The following IMMP2L variants were observed in gnomAD, a reference collection of about 807,000 sequenced individuals.
IMMP2L encodes the protein mitochondrial inner membrane protease subunit 2.
A neutral mutation model predicts 19.3 loss-of-function variants in IMMP2L; 18 were observed. That is an observed-to-expected ratio of 0.93 (90% CI 0.64 to 1.38). The LOEUF is 1.38. Among genes scored for constraint, IMMP2L ranks in the 40% most tolerant of loss-of-function variants. The probability of loss-of-function intolerance (pLI) is 0.00; values close to 1 mark genes in which losing one functional copy is unlikely to be tolerated. For synonymous variants in IMMP2L, 76 were observed against 73.0 expected, an observed-to-expected ratio of 1.04 and a Z score of -0.21; for missense variants, 233 against 218.2, an observed-to-expected ratio of 1.07 and a Z score of -0.43.
chr7:111,296,340 A>G lies in IMMP2L; in HGVS notation c.239+190898T>C, dbSNP rs187129862. The stretch of plus-strand genomic sequence containing the variant: ...AATACCAATACATGAAATTAAAACG[A>G]CTAAAGTTAAAAACTGATAATACTA... On this transcript the variant is annotated intron_variant, in intron 3 of 5. Transcript: ENST00000405709. 1.4e-3 allele frequency among the ~76,000 whole-genome samples: 215 copies of G among 152,072 alleles called. 1 individual carries two copies. The highest frequency in any genetic ancestry group is 1.9e-3 in the Non-Finnish European group (131 of 67,856).
intron 3 of IMMP2L, among the ~76,000 whole-genome samples, chr7:111,348,195 A>C (rs1233741369): frequency 6.6e-6 from 1 of 151,242 alleles, no homozygotes; most frequent in Non-Finnish European, 1.5e-5. Context: ...GTAAATGATG[A>C]GTTGATGGGT....
At chr7:110,702,855 AC>A (rs1794379780) in intron 5 of IMMP2L, among the ~76,000 whole-genome samples, 1 of 152,034 alleles carries the variant, frequency 6.6e-6, no homozygotes, top group Non-Finnish European at 1.5e-5. Flanking sequence ...TGTTTTTAAA[AC>A]TTTTACTTTT....
chr7:111,368,390 G>T (rs951594711), intron 3 of IMMP2L, among the ~76,000 whole-genome samples: 1 of 151,944 alleles, frequency 6.6e-6, no homozygotes, highest in Non-Finnish European at 1.5e-5. Context: ...ATAGGGAAGT[G>T]AACATATAAC....
intron 3 of IMMP2L, among the ~76,000 whole-genome samples, chr7:111,348,696 C>G (rs141804510): frequency 6.6e-6 from 1 of 152,200 alleles, no homozygotes; most frequent in East Asian, 1.9e-4. Flanking sequence ...ATTTATAGAA[C>G]TAGACTTGTG....
chr7:111,486,858 A>T (rs2396358), intron 3 of IMMP2L, among the ~76,000 whole-genome samples: 56,784 of 151,930 alleles, frequency 0.37, 12,336 homozygotes, highest in Non-Finnish European at 0.49. Flanking sequence ...TGTCATAATT[A>T]TCACCTTCTA....
chr7:111,026,328 CTCTA>C (rs1323045016), intron 3 of IMMP2L, among the ~76,000 whole-genome samples: 3 of 152,064 alleles, frequency 2.0e-5, no homozygotes, highest in Non-Finnish European at 2.9e-5. Context: ...AACCTGGCAG[CTCTA>C]TCTAAGATGG....
intron 3 of IMMP2L, among the ~76,000 whole-genome samples, chr7:111,150,475 C>T (rs1803951070): frequency 6.6e-6 from 1 of 152,122 alleles, no homozygotes; most frequent in African/African-American, 2.4e-5. Flanking sequence ...TACAAACTTG[C>T]ACCAAACCTC....
chr7:111,295,924 G>A (rs911953031), intron 3 of IMMP2L, among the ~76,000 whole-genome samples: 1 of 148,034 alleles, frequency 6.8e-6, no homozygotes, highest in African/African-American at 2.5e-5. Flanking sequence ...AAAACTTTCG[G>A]AACACATAGA....
intron 2 of IMMP2L, among the ~76,000 whole-genome samples, chr7:111,490,285 CTT>C (rs768277536): frequency 1.8e-4 from 25 of 138,714 alleles, no homozygotes; most frequent in Admixed American, 1.5e-4. Flanking sequence ...TTTTTTTTTC[CTT>C]TTTTTTTTTT....
chr7:110,878,619 A>G (rs764881232), intron 5 of IMMP2L, among the ~76,000 whole-genome samples: 3 of 152,072 alleles, frequency 2.0e-5, no homozygotes, highest in African/African-American at 7.2e-5. Context: ...CATATCATTC[A>G]CTGTTGTCAA....
chr7:111,423,650 T>C (rs1835799108), intron 3 of IMMP2L, among the ~76,000 whole-genome samples: 1 of 151,802 alleles, frequency 6.6e-6, no homozygotes, highest in African/African-American at 2.4e-5. Flanking sequence ...TTGGGACACA[T>C]TTAAAGCAGT....
At chr7:110,962,594 G>T in intron 4 of IMMP2L, 1 of 338,612 alleles carries the variant, frequency 3.0e-6, no homozygotes, top group Non-Finnish European at 4.2e-6. Flanking sequence ...GTGAAAAACG[G>T]CAAGTAACAC....
intron 3 of IMMP2L, among the ~76,000 whole-genome samples, chr7:111,235,655 T>C (rs1814217953): frequency 6.6e-6 from 1 of 152,052 alleles, no homozygotes; most frequent in Non-Finnish European, 1.5e-5. Context: ...CTGGTATTAG[T>C]TTGATTATAA....
Position 111,123,873 on chromosome 7 carries a change from T to C in IMMP2L, c.240-160308A>G. ...ACCTCAAGGAAATCAGCATACACAGTAACCCCATCAGGTGTGACTGTGTCA... is the reference window on the plus strand; with the variant it reads ...ACCTCAAGGAAATCAGCATACACAGCAACCCCATCAGGTGTGACTGTGTCA... On this transcript the variant is annotated intron_variant, in intron 3 of 5. Transcript: ENST00000405709. The surrounding 1 kb of genome is among the most constrained non-coding windows in gnomAD (Gnocchi z 6.4). 3.1e-6 allele frequency: 5 copies of C among 1,613,962 alleles called. No homozygotes were observed. In the South Asian group the frequency reaches 4.4e-5, roughly 14 times the overall value.
chr7:111,337,482 ATGGATG>A (rs1358086368), intron 3 of IMMP2L, among the ~76,000 whole-genome samples: 1 of 151,938 alleles, frequency 6.6e-6, no homozygotes, highest in Non-Finnish European at 1.5e-5. Flanking sequence ...GGATGGATGG[ATGGATG>A]GATGGATGGA....
intron 5 of IMMP2L, among the ~76,000 whole-genome samples, chr7:110,741,702 T>G (rs1796999640): frequency 6.6e-6 from 1 of 152,206 alleles, no homozygotes; most frequent in Non-Finnish European, 1.5e-5. Flanking sequence ...GTATGTAACC[T>G]CAATATATTT....
chr7:110,953,503 C>T (rs1818045071), intron 4 of IMMP2L, among the ~76,000 whole-genome samples: 1 of 152,018 alleles, frequency 6.6e-6, no homozygotes, highest in South Asian at 2.1e-4. Context: ...TGAACTCATC[C>T]TTTTTTATGG....
chr7:111,384,421 T>A (rs1831535019), intron 3 of IMMP2L, among the ~76,000 whole-genome samples: 1 of 152,048 alleles, frequency 6.6e-6, no homozygotes, highest in Non-Finnish European at 1.5e-5. Flanking sequence ...CAGCTTTGTA[T>A]CTCAGGCCTT....
At chr7:110,674,570 A>G (rs961429431) in intron 5 of IMMP2L, among the ~76,000 whole-genome samples, 1 of 152,258 alleles carries the variant, frequency 6.6e-6, no homozygotes, top group South Asian at 2.1e-4. Flanking sequence ...AGAAATTTCC[A>G]AATAAACAAA....
Sources: gnomAD v4.1 joint callset for allele counts (sites outside exome capture counted in the v4.1 genomes callset) on GRCh38, gnomAD v4.1.1 for gene constraint, Gnocchi (gnomAD v3.1) non-coding constraint, MANE v1.5 for transcripts, NCBI Gene and HGNC (gene_info 2026-07-23, HGNC 2026-07-21) for gene names.